The following GSE1 variants were observed in gnomAD, a reference collection of about 807,000 sequenced individuals.
GSE1 encodes genetic suppressor element 1.
GSE1 carries 32 observed loss-of-function variants against 112.6 expected under a neutral mutation model. The observed-to-expected ratio is 0.28, with a 90% confidence interval of 0.21 to 0.38. The LOEUF is 0.38. Ranked by LOEUF, GSE1 falls within the 10% of genes least tolerant of loss-of-function variation. The pLI, the probability that GSE1 is intolerant of heterozygous loss-of-function variation, is 1.00. For synonymous variants in GSE1, 1,115 were observed against 735.6 expected (o/e 1.52, Z -8.35); for missense variants, 2,348 against 1,699.2 (o/e 1.38, Z -6.71).
chr16:85,184,087 A>G (rs1370210362), intron 1 of GSE1, among the ~76,000 whole-genome samples: 3 of 152,190 alleles, frequency 2.0e-5, no homozygotes, highest in Non-Finnish European at 4.4e-5. Flanking sequence ...GCAAGGCGTC[A>G]CCTGTGATGT....
chr16:85,463,033 G>A (rs7190510), intron 2 of GSE1: 14,103 of 938,422 alleles, frequency 0.015, 418 homozygotes, highest in East Asian at 0.11. Context: ...GCCATGCTGG[G>A]CAGCCCCTCC....
At position 85,373,584 on chromosome 16, in the gene GSE1, G is replaced by A. The variant is rs1251949051; in HGVS notation, c.2464+15941G>A. Among the ~76,000 whole-genome samples the A allele has an allele frequency of 1.3e-5, 2 of 152,134 alleles. No individual in the cohort carries two copies. The highest frequency in any genetic ancestry group is 2.4e-5 in the African/African-American group (1 of 41,442). The stretch of plus-strand genomic sequence containing the variant: ...ATAGCAGGGATTCAGTGACCGCATC[G>A]CTACTATGTGTCCTCCCAGCCTGGA... On this transcript the variant is annotated intron_variant, in intron 2 of 2. Coordinates refer to the GSE1 transcript ENST00000637419. This position sits in a 1 kb window ranked among gnomAD's most constrained non-coding sequence, Gnocchi z 5.1.
chr16:85,400,344 G>T (rs554340428), intron 2 of GSE1, among the ~76,000 whole-genome samples: 1 of 151,038 alleles, frequency 6.6e-6, no homozygotes. Flanking sequence ...TGTGTGTGTC[G>T]TGTTTCTGTG....
At chr16:85,302,392 T>C (rs1374712776) in intron 1 of GSE1, among the ~76,000 whole-genome samples, 2 of 151,924 alleles carry the variant, frequency 1.3e-5, no homozygotes, top group East Asian at 1.9e-4. Context: ...CTAATGAATC[T>C]CTTGTCGGCC....
intron 1 of GSE1, among the ~76,000 whole-genome samples, chr16:85,620,476 T>C (rs1484581052): frequency 9.9e-5 from 15 of 152,270 alleles, no homozygotes. Flanking sequence ...GATGCTATAC[T>C]GGGTGTTGAA....
chr16:85,302,939 G>C (rs1293066011), intron 1 of GSE1, among the ~76,000 whole-genome samples: 1 of 152,202 alleles, frequency 6.6e-6, no homozygotes, highest in Non-Finnish European at 1.5e-5. Flanking sequence ...AAGGTGACTC[G>C]GGGTCCGGTT....
chr16:85,502,739 G>T (rs1275812491), intron 2 of GSE1, among the ~76,000 whole-genome samples: 1 of 152,222 alleles, frequency 6.6e-6, no homozygotes. Flanking sequence ...GCTGGGCAGG[G>T]CCATCTTGGT....
chr16:85,248,201 C>A (rs902468622), intron 1 of GSE1, among the ~76,000 whole-genome samples: 1 of 152,160 alleles, frequency 6.6e-6, no homozygotes, highest in Non-Finnish European at 1.5e-5. Context: ...ATCCCTGTAC[C>A]CCTCAGAGAG....
At chr16:85,556,158 C>CT in exon 1 of GSE1, 1 of 942,868 alleles carries the variant, frequency 1.1e-6, no homozygotes, top group Non-Finnish European at 1.2e-6. Flanking sequence ...GGGGGAAAGA[C>CT]TGATTTTTTT....
At chr16:85,206,088 TGG>T (rs1167085243) in intron 1 of GSE1, among the ~76,000 whole-genome samples, 2 of 147,900 alleles carry the variant, frequency 1.4e-5, no homozygotes, top group Non-Finnish European at 3.0e-5. Context: ...CTGACTTCCC[TGG>T]GGAGGCCGGG....
upstream of GSE1, chr16:85,613,020 GCT>G (rs1239875519): frequency 3.3e-6 from 1 of 299,982 alleles, no homozygotes; most frequent in African/African-American, 2.2e-5. Flanking sequence ...CCGCGGCCCC[GCT>G]GGTGTCCCCG....
intron 1 of GSE1, among the ~76,000 whole-genome samples, chr16:85,630,860 G>A (rs1343367546): frequency 6.6e-6 from 1 of 152,164 alleles, no homozygotes; most frequent in Non-Finnish European, 1.5e-5. Flanking sequence ...TAGGCCTCTT[G>A]GGCTTGGGCG....
rs1212863149 is a variant in GSE1, at chr16:85,463,193, C to G, written c.2464+105550C>G. 7.4e-6 allele frequency: 6 copies of G among 812,292 alleles called. No homozygotes were observed. In the Admixed American group the frequency reaches 3.1e-4, roughly 42 times the overall value. 50.3% of individuals were successfully genotyped at this position (812,292 alleles called of 1,614,324 possible). ...GTCCGGGATGGAACTTTCTGGGGCG[C>G]GCCACCCACCCGGGGCTGGAACCTG... On this transcript the variant is annotated intron_variant, in intron 2 of 2. Coordinates refer to the GSE1 transcript ENST00000637419.
At chr16:85,665,209 C>G (rs544420020) in intron 12 of GSE1, 81 bp downstream of exon 12, 2 of 766,736 alleles carry the variant, frequency 2.6e-6, no homozygotes, top group South Asian at 1.5e-5. Context: ...CACTCGAGGT[C>G]TTCATCATTG....
intron 2 of GSE1, among the ~76,000 whole-genome samples, chr16:85,534,594 C>A (rs190206948): frequency 6.6e-6 from 1 of 152,286 alleles, no homozygotes; most frequent in East Asian, 1.9e-4. Context: ...ACTGTATGCG[C>A]GTACTACATT....
chr16:85,341,956 C>T (rs1405593709), intron 1 of GSE1, among the ~76,000 whole-genome samples: 2 of 152,132 alleles, frequency 1.3e-5, no homozygotes, highest in Admixed American at 6.5e-5. Context: ...GACATACCCT[C>T]GGTCTCTCGG....
intron 1 of GSE1, among the ~76,000 whole-genome samples, chr16:85,314,341 G>T (rs571016482): frequency 1.1e-4 from 17 of 152,166 alleles, no homozygotes; most frequent in Non-Finnish European, 1.5e-4. Flanking sequence ...TTGAGTCTGC[G>T]CTGGGTGCCT....
At chr16:85,334,031 C>T (rs894186236) in intron 1 of GSE1, among the ~76,000 whole-genome samples, 6 of 152,216 alleles carry the variant, frequency 3.9e-5, no homozygotes, top group Non-Finnish European at 5.9e-5. Flanking sequence ...TCCTCCAGGG[C>T]GTGGACACGG....
intron 3 of GSE1, among the ~76,000 whole-genome samples, chr16:85,650,684 C>G (rs1057214706): frequency 6.6e-6 from 1 of 152,170 alleles, no homozygotes; most frequent in African/African-American, 2.4e-5. Flanking sequence ...CCAGGGAAGG[C>G]GCGGGGCCGG....
Sources: gnomAD v4.1 joint callset for allele counts (sites outside exome capture counted in the v4.1 genomes callset) on GRCh38, gnomAD v4.1.1 for gene constraint, Gnocchi (gnomAD v3.1) non-coding constraint, MANE v1.5 for transcripts, NCBI Gene and HGNC (gene_info 2026-07-23, HGNC 2026-07-21) for gene names.